The following SMAP1 variants were observed in gnomAD, a reference collection of about 807,000 sequenced individuals.
SMAP1 encodes the protein small ArfGAP 1, also known as stromal membrane-associated protein 1.
In SMAP1, 24 loss-of-function variants were observed where a neutral mutation model predicts 58.5. The ratio of observed to expected loss-of-function variants is 0.41; its 90% CI spans 0.30 to 0.58. The LOEUF is 0.58. SMAP1 is among the 20% of genes least tolerant of loss of function. The pLI, the probability that SMAP1 is intolerant of heterozygous loss-of-function variation, is 0.29. For missense variants in SMAP1, 563 were observed against 566.3 expected (o/e 0.99, Z 0.06); for synonymous variants, 216 against 196.6 (o/e 1.10, Z -0.82).
intron 1 of SMAP1, among the ~76,000 whole-genome samples, chr6:70,682,170 A>ATTTTTTTTTTTTTTT (rs66981900): frequency 2.1e-5 from 2 of 95,916 alleles, no homozygotes; most frequent in Non-Finnish European, 3.9e-5. Flanking sequence ...CTCTGCACAG[A>ATTTTTTTTTTTTTTT]TTTTTTTTTT....
intron 5 of SMAP1, among the ~76,000 whole-genome samples, chr6:70,796,942 T>G (rs569672115): frequency 5.3e-5 from 8 of 152,160 alleles, no homozygotes; most frequent in Non-Finnish European, 1.0e-4. Context: ...TATCCATGTA[T>G]TCTTCTTTTG....
chr6:70,774,603 A>G (rs1767469390), intron 4 of SMAP1, among the ~76,000 whole-genome samples: 1 of 152,226 alleles, frequency 6.6e-6, no homozygotes, highest in Non-Finnish European at 1.5e-5. Context: ...TATCAGCTCA[A>G]TATGGTAGCT....
At chr6:70,678,761 C>T (rs1581985248) in intron 1 of SMAP1, among the ~76,000 whole-genome samples, 1 of 152,142 alleles carries the variant, frequency 6.6e-6, no homozygotes, top group Non-Finnish European at 1.5e-5. Context: ...GCTCATGGCT[C>T]CTTCCTCCAT....
At chr6:70,803,544 ATTTG>A (rs1314215689) in intron 6 of SMAP1, among the ~76,000 whole-genome samples, 1 of 151,874 alleles carries the variant, frequency 6.6e-6, no homozygotes, top group Non-Finnish European at 1.5e-5. Context: ...TAGCTTTTGA[ATTTG>A]TTTGCTCTTG....
At chr6:70,794,919 G>C (rs1294977949) in intron 5 of SMAP1, among the ~76,000 whole-genome samples, 1 of 151,516 alleles carries the variant, frequency 6.6e-6, no homozygotes, top group Non-Finnish European at 1.5e-5. Context: ...CTCCCGAGTA[G>C]CTGGGACTGC....
intron 4 of SMAP1, among the ~76,000 whole-genome samples, chr6:70,774,772 G>A (rs186148762): frequency 2.0e-5 from 3 of 151,992 alleles, no homozygotes; most frequent in East Asian, 3.9e-4. Context: ...GCTTATGCCT[G>A]TAATCCCAGC....
At chr6:70,711,854 C>T (rs1768071265) in intron 1 of SMAP1, among the ~76,000 whole-genome samples, 1 of 152,174 alleles carries the variant, frequency 6.6e-6, no homozygotes, top group Non-Finnish European at 1.5e-5. Context: ...GTATTTTCTA[C>T]ATAAAGGATT....
intron 3 of SMAP1, chr6:70,773,103 T>C (rs1767397970): frequency 2.9e-6 from 1 of 350,450 alleles, no homozygotes; most frequent in Non-Finnish European, 5.2e-6. Context: ...GAATTGTCAT[T>C]TACTTTTCTT....
chr6:70,844,324 T>C, intron 7 of SMAP1, among the ~76,000 whole-genome samples: 1 of 151,832 alleles, frequency 6.6e-6, no homozygotes, highest in South Asian at 2.1e-4. Flanking sequence ...TCAGAGTGCG[T>C]GTGTGTGTGT....
At chr6:70,675,541 C>T (rs1246177528) in intron 1 of SMAP1, among the ~76,000 whole-genome samples, 1 of 151,486 alleles carries the variant, frequency 6.6e-6, no homozygotes, top group South Asian at 2.1e-4. Context: ...ATCCCAGCTA[C>T]TGGGGAGGCT....
chr6:70,861,223 A>G lies in SMAP1; in HGVS notation c.*889A>G, dbSNP rs2150019087. On this transcript the variant is annotated 3_prime_UTR_variant, in exon 11 of 11. Coordinates refer to ENST00000370455, the MANE Select transcript of SMAP1 (RefSeq NM_001044305.3). ...GATGTATACTGCCACTAACCTTCCA[A>G]AAATTACTTAGTATTGCAAAGTCAG... The G allele has an allele frequency of 5.8e-6, 1 of 171,020 alleles. No individual in the cohort carries two copies. Among genetic ancestry groups the G allele is most frequent in the Admixed American group, 5.6e-5 (1 of 17,820 alleles). The allele number at this position is 171,020 out of a possible 1,614,324, so 10.6% of individuals were successfully genotyped here.
At chr6:70,814,653 C>T (rs573753606) in intron 6 of SMAP1, among the ~76,000 whole-genome samples, 33 of 152,242 alleles carry the variant, frequency 2.2e-4, no homozygotes, top group South Asian at 1.2e-3. Flanking sequence ...ACTTAGCCCT[C>T]CTCTTTTTAC....
At chr6:70,709,303 A>G (rs1032936688) in intron 1 of SMAP1, among the ~76,000 whole-genome samples, 1 of 152,064 alleles carries the variant, frequency 6.6e-6, no homozygotes, top group South Asian at 2.1e-4. Flanking sequence ...ACCATAAACA[A>G]TATGCCCATA....
intron 1 of SMAP1, among the ~76,000 whole-genome samples, chr6:70,674,948 C>T (rs1766415351): frequency 6.6e-6 from 1 of 152,136 alleles, no homozygotes; most frequent in Non-Finnish European, 1.5e-5. Context: ...GCACTCCATC[C>T]AGCCTGGGCG....
chr6:70,816,574 C>T (rs1769638182), intron 6 of SMAP1, among the ~76,000 whole-genome samples: 1 of 152,152 alleles, frequency 6.6e-6, no homozygotes, highest in Non-Finnish European at 1.5e-5. Flanking sequence ...ACTCCAAGGC[C>T]TGCTTTATCA....
chr6:70,707,061 A>G (rs1767870124), intron 1 of SMAP1, among the ~76,000 whole-genome samples: 1 of 152,026 alleles, frequency 6.6e-6, no homozygotes, highest in Non-Finnish European at 1.5e-5. Context: ...GTTTTTATGT[A>G]TCAGCTGTTT....
intron 6 of SMAP1, 90 bp from the exon 7 acceptor site, chr6:70,836,851 A>T: frequency 1.0e-6 from 1 of 979,472 alleles, no homozygotes; most frequent in Non-Finnish European, 1.5e-6. Context: ...TTTTACACTA[A>T]CTTTATCAGA....
chr6:70,719,699 A>G (rs1768433240), intron 1 of SMAP1, among the ~76,000 whole-genome samples: 1 of 152,192 alleles, frequency 6.6e-6, no homozygotes, highest in Non-Finnish European at 1.5e-5. Flanking sequence ...GTGGGAGGCA[A>G]AAGGCACTTC....
At chr6:70,826,762 C>CAACAA (rs1174849336) in intron 6 of SMAP1, among the ~76,000 whole-genome samples, 1 of 151,298 alleles carries the variant, frequency 6.6e-6, no homozygotes, top group Non-Finnish European at 1.5e-5. Flanking sequence ...TCTCAAACCC[C>CAACAA]AACAAAACAA....
Sources: gnomAD v4.1 joint callset for allele counts (sites outside exome capture counted in the v4.1 genomes callset) on GRCh38, gnomAD v4.1.1 for gene constraint, MANE v1.5 for transcripts, NCBI Gene and HGNC (gene_info 2026-07-23, HGNC 2026-07-21) for gene names.